AKNAD1: variants seen among roughly 807,000 people sequenced by gnomAD.
AKNAD1 encodes AKNA domain containing 1.
Under a neutral mutation model 90.8 loss-of-function variants are expected in AKNAD1, and 67 were observed. The ratio of observed to expected loss-of-function variants is 0.74; its 90% CI spans 0.61 to 0.90. The LOEUF is 0.90. Among genes scored for constraint, AKNAD1 ranks in the 40% least tolerant of loss-of-function variants. AKNAD1 has a pLI of 0.00. For synonymous variants in AKNAD1, 327 were observed against 341.4 expected (o/e 0.96, Z 0.46); for missense variants, 957 against 975.4 (o/e 0.98, Z 0.25).
At chr1:108,825,999 C>A (rs559347808) in intron 11 of AKNAD1, among the ~76,000 whole-genome samples, 1 of 151,682 alleles carries the variant, frequency 6.6e-6, no homozygotes. Flanking sequence ...GTAATACTAG[C>A]GTTGCACAGC....
intron 5 of AKNAD1, among the ~76,000 whole-genome samples, chr1:108,844,377 C>CATATATATATAT (rs35559697): frequency 9.5e-4 from 138 of 145,110 alleles, no homozygotes; most frequent in African/African-American, 3.2e-3. Context: ...TCTCTCTCTC[C>CATATATATATAT]ATATATATAT....
At position 108,848,737 on chromosome 1, in the gene AKNAD1, G is replaced by C; in HGVS notation, c.1245+15C>G. 1 of 1,598,506 alleles carries C rather than the reference G, an allele frequency of 6.3e-7. No individual in the cohort carries two copies. The highest frequency in any genetic ancestry group is 1.8e-4 in the Middle Eastern group (1 of 5,414). ...TCTCTAATCAAGATTTTAAAAACGGGATAAAATTCATTACCAGCTTCTTGT... is the reference window on the plus strand; with the variant it reads ...TCTCTAATCAAGATTTTAAAAACGGCATAAAATTCATTACCAGCTTCTTGT... On this transcript the variant is annotated intron_variant, in intron 5 of 15. Coordinates refer to ENST00000370001, the MANE Select transcript of AKNAD1 (RefSeq NM_152763.5).
At chr1:108,833,723 G>GT (rs34193731) in intron 9 of AKNAD1, among the ~76,000 whole-genome samples, 187 of 143,690 alleles carry the variant, frequency 1.3e-3, no homozygotes, top group Middle Eastern at 3.6e-3. Flanking sequence ...TTTTCCCATG[G>GT]TTTTTTTTTT....
rs747017797 is a variant in AKNAD1 at position 108,837,661 on chromosome 1, A to G, written c.1425T>C (p.Asp475=). ...TGCTTTCATCCATTTTCTCTTTAAC[A>G]TCTTCAAGCAGCATCTCCAATTTGA... is the stretch of plus-strand genomic sequence containing the variant. ...EIFKLEMLLE[D]VKEKMDESKY... is the part of the protein sequence containing the mutation. The change falls in exon 7 of 16, where the codon GAT becomes GAC. Residue 475 remains aspartate, a synonymous_variant. Coordinates refer to ENST00000370001, the MANE Select transcript of AKNAD1 (RefSeq NM_152763.5). 4.3e-6 allele frequency: 7 copies of G among 1,614,078 alleles called. No homozygotes were observed. The highest frequency in any genetic ancestry group is 1.6e-4 in the Middle Eastern group (1 of 6,084).
intron 5 of AKNAD1, among the ~76,000 whole-genome samples, 190 bp from the exon 6 acceptor site, chr1:108,843,457 A>G (rs539578164): frequency 1.4e-4 from 21 of 152,210 alleles, no homozygotes; most frequent in Non-Finnish European, 2.9e-4. Flanking sequence ...TCATCTCAAC[A>G]TTCACAAACC....
At chr1:108,826,599 G>A (rs1306550342) in intron 11 of AKNAD1, among the ~76,000 whole-genome samples, 4 of 151,616 alleles carry the variant, frequency 2.6e-5, no homozygotes, top group African/African-American at 9.7e-5. Flanking sequence ...CATGTGGGAA[G>A]GATGAGGATG....
At chr1:108,816,692 T>C (rs1039660439) in intron 15 of AKNAD1, among the ~76,000 whole-genome samples, 4 of 152,046 alleles carry the variant, frequency 2.6e-5, no homozygotes, top group African/African-American at 9.7e-5. Flanking sequence ...CATTTGAAAG[T>C]GGCCTGGGGA....
intron 11 of AKNAD1, 51 bp downstream of exon 11, chr1:108,827,154 A>G: frequency 7.1e-7 from 1 of 1,403,502 alleles, no homozygotes; most frequent in Non-Finnish European, 1.0e-6. Flanking sequence ...AGCAGACCCC[A>G]TGGGGAGGGA....
At chr1:108,821,441 ACT>A (rs1663810153) in intron 13 of AKNAD1, among the ~76,000 whole-genome samples, 1 of 147,454 alleles carries the variant, frequency 6.8e-6, no homozygotes, top group African/African-American at 2.5e-5. Context: ...ACAGAGTGAG[ACT>A]CTGTCTCAAA....
intron 11 of AKNAD1, among the ~76,000 whole-genome samples, chr1:108,826,827 C>A (rs1254206494): frequency 6.7e-6 from 1 of 149,390 alleles, no homozygotes; most frequent in Non-Finnish European, 1.5e-5. Flanking sequence ...GCAGCCTCAA[C>A]CTCCCGGACT....
chr1:108,843,737 GA>G (rs1200877622), intron 5 of AKNAD1, among the ~76,000 whole-genome samples: 1 of 152,186 alleles, frequency 6.6e-6, no homozygotes, highest in Non-Finnish European at 1.5e-5. Flanking sequence ...TCTTAAAAAG[GA>G]ACTGTAGTTA....
chr1:108,842,980 T>C (rs1436860491), intron 6 of AKNAD1, among the ~76,000 whole-genome samples, 154 bp downstream of exon 6: 2 of 152,174 alleles, frequency 1.3e-5, no homozygotes, highest in African/African-American at 4.8e-5. Context: ...ATGCTGTCTG[T>C]GGTATTAGGT....
At chr1:108,853,813 G>A (rs188986072) in intron 1 of AKNAD1, among the ~76,000 whole-genome samples, 99 of 152,160 alleles carry the variant, frequency 6.5e-4, no homozygotes, top group African/African-American at 2.3e-3. Flanking sequence ...GCAAGCACCT[G>A]TAGTCCCAGC....
At chr1:108,834,790 GCCAGGCTA>G in intron 8 of AKNAD1, 131 bp downstream of exon 8, 2 of 1,356,520 alleles carry the variant, frequency 1.5e-6, no homozygotes, top group South Asian at 3.0e-5. Context: ...CAGGTGAGGA[GCCAGGCTA>G]CCAGGCTTTG....
rs1424478648 is a variant in AKNAD1, at chr1:108,815,929, TAAG to T, written c.*239_*241del. ...TGTTTTGATTTCTTTTATTATGAGT[TAAG>T]AAGAACATAGATTTATTTTAAAATA... is the stretch of plus-strand genomic sequence containing the variant. On this transcript the variant is annotated 3_prime_UTR_variant, in exon 16 of 16. Transcript: ENST00000370001. The T allele has an allele frequency of 3.8e-5, 10 of 263,844 alleles. No individual in the cohort carries two copies. The highest frequency in any genetic ancestry group is 1.3e-4 in the African/African-American group (6 of 44,924). 16.3% of individuals were successfully genotyped at this position (263,844 alleles called of 1,614,324 possible). A position where few individuals can be genotyped will look rare whatever the true frequency, so the allele number is the denominator to read the frequency against.
At chr1:108,821,269 G>C (rs1436694522) in intron 13 of AKNAD1, among the ~76,000 whole-genome samples, 1 of 152,208 alleles carries the variant, frequency 6.6e-6, no homozygotes, top group African/African-American at 2.4e-5. Context: ...TGGTCAACAT[G>C]GTGAAACCCT....
intron 11 of AKNAD1, among the ~76,000 whole-genome samples, chr1:108,825,683 T>C (rs1663974521): frequency 1.3e-5 from 2 of 151,648 alleles, no homozygotes; most frequent in African/African-American, 4.8e-5. Flanking sequence ...TACTAATGTA[T>C]AGATTACTAG....
chr1:108,833,675 A>C (rs1042170301), intron 9 of AKNAD1, among the ~76,000 whole-genome samples: 3 of 148,254 alleles, frequency 2.0e-5, no homozygotes, highest in Admixed American at 6.7e-5. Context: ...AGCATGTATC[A>C]GTTTTATAAT....
At chr1:108,820,799 C>T (rs1466979409) in intron 13 of AKNAD1, among the ~76,000 whole-genome samples, 173 bp from the exon 14 acceptor site, 1 of 152,098 alleles carries the variant, frequency 6.6e-6, no homozygotes, top group African/African-American at 2.4e-5. Context: ...CGGTGGCTCA[C>T]GCCTGTAATC....
Sources: allele counts gnomAD v4.1 joint callset (sites outside exome capture counted in the v4.1 genomes callset), GRCh38; gene constraint gnomAD v4.1.1; transcripts MANE v1.5; gene names NCBI Gene and HGNC (gene_info 2026-07-23, HGNC 2026-07-21).